Variants in GRM8 observed in about 807,000 individuals in gnomAD.
The protein encoded by GRM8 is metabotropic glutamate receptor 8.
In GRM8, 47 loss-of-function variants were observed where a neutral mutation model predicts 87.2. The ratio of observed to expected loss-of-function variants is 0.54; its 90% CI spans 0.43 to 0.69. The LOEUF (loss-of-function observed/expected upper bound fraction) is 0.69, where lower values mean the gene tolerates loss of function less well. Ranked by LOEUF, GRM8 falls within the 30% of genes least tolerant of loss-of-function variation. The pLI, the probability that GRM8 is intolerant of heterozygous loss-of-function variation, is 0.00. For missense variants in GRM8, 1,019 were observed against 1,139.2 expected (o/e 0.89, Z 1.52); for synonymous variants, 396 against 404.5 (o/e 0.98, Z 0.25).
chr7:127,129,035 C>T (rs1444208421), intron 2 of GRM8, among the ~76,000 whole-genome samples: 1 of 152,116 alleles, frequency 6.6e-6, no homozygotes. Flanking sequence ...CATAATGACT[C>T]CTTATTCACC....
At chr7:127,061,342 G>C (rs1820575650) in intron 3 of GRM8, among the ~76,000 whole-genome samples, 1 of 151,682 alleles carries the variant, frequency 6.6e-6, no homozygotes, top group African/African-American at 2.4e-5. Context: ...TCTTGAAAAG[G>C]AATACAATTA....
chr7:126,913,004 T>C (rs1563310661), intron 3 of GRM8, among the ~76,000 whole-genome samples: 1 of 152,220 alleles, frequency 6.6e-6, no homozygotes, highest in African/African-American at 2.4e-5. Flanking sequence ...TAAAGAAGTT[T>C]TGTTAAAACA....
rs944168171 is a variant in GRM8 at position 126,727,704 on chromosome 7, T to C, written c.1357+42161A>G. Among the ~76,000 whole-genome samples, 10 of 141,876 alleles carry C rather than the reference T, an allele frequency of 7.0e-5. No homozygotes were observed. The South Asian group carries it at 9.2e-4, about 13-fold the overall frequency. 93.1% of individuals were successfully genotyped at this position (141,876 alleles called of 152,430 possible). On this transcript the variant is annotated intron_variant, in intron 7 of 10. Transcript: ENST00000339582. ...GAAAACACTTGCTCATCTGAAATCA[T>C]ACACACACACACACACACACACACA... is the stretch of plus-strand genomic sequence containing the variant.
intron 7 of GRM8, among the ~76,000 whole-genome samples, chr7:126,659,772 T>A (rs1804941101): frequency 6.6e-6 from 1 of 152,230 alleles, no homozygotes; most frequent in Non-Finnish European, 1.5e-5. Context: ...TTTCCACTAT[T>A]TCAAATAAAA....
intron 2 of GRM8, among the ~76,000 whole-genome samples, chr7:127,178,900 A>G (rs536389169): frequency 6.6e-6 from 1 of 152,300 alleles, no homozygotes; most frequent in East Asian, 1.9e-4. Context: ...TAAAGCATAA[A>G]TCACACAGGA....
chr7:126,572,634 A>G (rs1199843644), intron 8 of GRM8, among the ~76,000 whole-genome samples: 1 of 152,232 alleles, frequency 6.6e-6, no homozygotes, highest in Non-Finnish European at 1.5e-5. Context: ...AAAGCTATCT[A>G]TAAGACATTT....
At chr7:126,557,779 G>T (rs1428195769) in intron 8 of GRM8, among the ~76,000 whole-genome samples, 1 of 151,934 alleles carries the variant, frequency 6.6e-6, no homozygotes, top group Non-Finnish European at 1.5e-5. Flanking sequence ...GACAAAGTAC[G>T]TATATATGTA....
chr7:126,956,314 A>T (rs1300135799), intron 3 of GRM8, among the ~76,000 whole-genome samples: 1 of 152,210 alleles, frequency 6.6e-6, no homozygotes, highest in Non-Finnish European at 1.5e-5. Flanking sequence ...AGGATCCACT[A>T]TATCACTTAC....
At chr7:126,683,347 G>T (rs1014667476) in intron 7 of GRM8, among the ~76,000 whole-genome samples, 2 of 152,192 alleles carry the variant, frequency 1.3e-5, no homozygotes, top group Non-Finnish European at 2.9e-5. Context: ...TCTGTTTGGT[G>T]CTATGACTAA....
intron 2 of GRM8, among the ~76,000 whole-genome samples, chr7:127,220,438 C>A (rs997099390): frequency 3.3e-5 from 5 of 152,102 alleles, no homozygotes; most frequent in African/African-American, 1.2e-4. Flanking sequence ...AAAATGTTGA[C>A]AGAATACAAA....
chr7:126,853,659 G>T (rs1797427623), intron 6 of GRM8, among the ~76,000 whole-genome samples: 1 of 152,080 alleles, frequency 6.6e-6, no homozygotes, highest in Admixed American at 6.5e-5. Context: ...AGCAAAAAAG[G>T]GACTTTACTA....
intron 3 of GRM8, among the ~76,000 whole-genome samples, chr7:127,069,319 T>C (rs2132661468): frequency 6.6e-6 from 1 of 152,218 alleles, no homozygotes; most frequent in South Asian, 2.1e-4. Flanking sequence ...TGCACCAACA[T>C]GCCCAGCTAA....
At chr7:126,752,223 G>C (rs1164013720) in intron 7 of GRM8, among the ~76,000 whole-genome samples, 1 of 152,032 alleles carries the variant, frequency 6.6e-6, no homozygotes, top group African/African-American at 2.4e-5. Flanking sequence ...ATGAAGTCTT[G>C]AGTTCAAGGC....
chr7:126,549,648 C>A (rs950945228), intron 8 of GRM8, among the ~76,000 whole-genome samples: 1 of 152,034 alleles, frequency 6.6e-6, no homozygotes, highest in Admixed American at 6.6e-5. Flanking sequence ...CTCTTATGAT[C>A]ACATAATTAA....
At chr7:126,852,599 G>T (rs190218448) in intron 6 of GRM8, among the ~76,000 whole-genome samples, 4 of 152,146 alleles carry the variant, frequency 2.6e-5, no homozygotes, top group Admixed American at 2.0e-4. Context: ...AATTGCTTTT[G>T]TGCCAAATTG....
intron 3 of GRM8, among the ~76,000 whole-genome samples, chr7:127,060,475 C>T (rs1281646115): frequency 1.3e-5 from 2 of 151,874 alleles, no homozygotes; most frequent in African/African-American, 4.8e-5. Context: ...ATAGTTTATA[C>T]AAAATTTTAT....
At chr7:126,665,590 G>A (rs993902978) in intron 7 of GRM8, among the ~76,000 whole-genome samples, 30 of 151,958 alleles carry the variant, frequency 2.0e-4, no homozygotes, top group African/African-American at 6.8e-4. Context: ...ACAGACACTG[G>A]GGACTACTAG....
At chr7:126,561,320 A>G (rs1224450762) in intron 8 of GRM8, among the ~76,000 whole-genome samples, 1 of 151,984 alleles carries the variant, frequency 6.6e-6, no homozygotes, top group African/African-American at 2.4e-5. Context: ...AAAATATAAA[A>G]ATTAGCCGGG....
intron 2 of GRM8, among the ~76,000 whole-genome samples, chr7:127,155,664 T>C (rs1486729416): frequency 6.6e-6 from 1 of 152,104 alleles, no homozygotes. Context: ...AATAGCAAGT[T>C]CGGTTCACAA....
Sources: gnomAD v4.1 joint callset for allele counts (sites outside exome capture counted in the v4.1 genomes callset) on GRCh38, gnomAD v4.1.1 for gene constraint, MANE v1.5 for transcripts, NCBI Gene and HGNC (gene_info 2026-07-23, HGNC 2026-07-21) for gene names.